Variants in ESRP1 observed in about 807,000 individuals in gnomAD.
ESRP1 encodes the protein epithelial splicing regulatory protein 1.
Under a neutral mutation model 81.7 loss-of-function variants are expected in ESRP1, and 33 were observed. The observed-to-expected ratio is 0.40, with a 90% CI of 0.31 to 0.54. The LOEUF (loss-of-function observed/expected upper bound fraction) is 0.54. Ranked by LOEUF, ESRP1 falls within the 20% of genes least tolerant of loss-of-function variation. The pLI is 0.41. For synonymous variants in ESRP1, 320 were observed against 303.3 expected (o/e 1.06, Z -0.57); for missense variants, 672 against 833.1 (o/e 0.81, Z 2.38).
At chr8:94,645,146 T>G (rs1461024904) in intron 3 of ESRP1, among the ~76,000 whole-genome samples, 1 of 152,184 alleles carries the variant, frequency 6.6e-6, no homozygotes, top group Non-Finnish European at 1.5e-5. Context: ...CTTTTGGTTG[T>G]TAACTTTTTT....
At chr8:94,656,370 C>T (rs1380823026) in intron 4 of ESRP1, among the ~76,000 whole-genome samples, 1 of 152,138 alleles carries the variant, frequency 6.6e-6, no homozygotes, top group Non-Finnish European at 1.5e-5. Context: ...AGGCGCGTGC[C>T]ACCACGCCCG....
intron 10 of ESRP1, 141 bp downstream of exon 10, chr8:94,668,391 C>A: frequency 2.5e-6 from 2 of 795,300 alleles, no homozygotes; most frequent in Non-Finnish European, 3.8e-6. Context: ...AGTCTTGATT[C>A]TATAACCAAG....
chr8:94,671,391 G>C, intron 10 of ESRP1, 62 bp from the exon 11 acceptor site: 2 of 1,424,542 alleles, frequency 1.4e-6, no homozygotes. Context: ...TGCCATTGCT[G>C]ATCTGCAGAA....
chr8:94,677,067 T>C (rs953820019), intron 12 of ESRP1, among the ~76,000 whole-genome samples: 1 of 152,030 alleles, frequency 6.6e-6, no homozygotes, highest in Non-Finnish European at 1.5e-5. Context: ...TCAATTTGTA[T>C]TGTTGGTCTT....
intron 13 of ESRP1, among the ~76,000 whole-genome samples, chr8:94,684,116 G>A (rs1809040941): frequency 6.6e-6 from 1 of 151,114 alleles, no homozygotes; most frequent in South Asian, 2.1e-4. Flanking sequence ...CTAAGTGCTG[G>A]GATTACAGGT....
At chr8:94,642,678 G>T (rs949182654) in intron 2 of ESRP1, among the ~76,000 whole-genome samples, 6 of 152,188 alleles carry the variant, frequency 3.9e-5, no homozygotes, top group African/African-American at 1.4e-4. Flanking sequence ...GTGTCACTGC[G>T]GAACTGATGG....
chr8:94,643,607 A>G (rs755203658), intron 3 of ESRP1, among the ~76,000 whole-genome samples, 191 bp downstream of exon 3: 6 of 152,208 alleles, frequency 3.9e-5, no homozygotes, highest in Non-Finnish European at 7.3e-5. Flanking sequence ...TGGTTGCAAA[A>G]TATGTTAATG....
intron 10 of ESRP1, among the ~76,000 whole-genome samples, chr8:94,669,227 T>G (rs1819182189): frequency 6.6e-6 from 1 of 152,166 alleles, no homozygotes; most frequent in South Asian, 2.1e-4. Flanking sequence ...TCTTCAGGGG[T>G]CAGTTTGCCT....
chr8:94,641,457 C>A lies in ESRP1; in HGVS notation c.132+7C>A. Reference sequence around the variant, plus strand: ...GGATCTGGCCAACAAGAAGGTATTTCTCCACATTTTCGTCTAAATGCAAGG... The same window carrying A: ...GGATCTGGCCAACAAGAAGGTATTTATCCACATTTTCGTCTAAATGCAAGG... On this transcript the variant is annotated splice_region_variant and intron_variant, in intron 1 of 15. Transcript: ENST00000433389. 6.2e-7 allele frequency: 1 copy of A among 1,613,808 alleles called. No homozygotes were observed. The highest frequency in any genetic ancestry group is 8.5e-7 in the Non-Finnish European group (1 of 1,179,858).
intron 15 of ESRP1, among the ~76,000 whole-genome samples, chr8:94,701,991 T>C (rs552061427): frequency 6.6e-6 from 1 of 152,308 alleles, no homozygotes; most frequent in African/African-American, 2.4e-5. Context: ...GGTGGAAGGA[T>C]GGCTTCAGCC....
At chr8:94,695,221 T>C (rs1285482068) in intron 14 of ESRP1, among the ~76,000 whole-genome samples, 3 of 152,070 alleles carry the variant, frequency 2.0e-5, no homozygotes, top group Non-Finnish European at 2.9e-5. Flanking sequence ...ATGTATTGGC[T>C]GTTGCTGGCT....
intron 15 of ESRP1, among the ~76,000 whole-genome samples, chr8:94,699,346 A>G (rs1021741118): frequency 2.0e-5 from 3 of 152,158 alleles, no homozygotes; most frequent in Non-Finnish European, 2.9e-5. Flanking sequence ...CAAATTTTTA[A>G]AAATACAGAT....
chr8:94,680,224 T>C (rs1322683136), intron 13 of ESRP1, among the ~76,000 whole-genome samples: 1 of 152,168 alleles, frequency 6.6e-6, no homozygotes, highest in Non-Finnish European at 1.5e-5. Context: ...GAAGGTCAGG[T>C]GCGTTATATA....
intron 10 of ESRP1, among the ~76,000 whole-genome samples, chr8:94,670,167 CCTT>C (rs2130636000): frequency 6.6e-6 from 1 of 152,280 alleles, no homozygotes; most frequent in East Asian, 1.9e-4. Context: ...ACTTCTCCAT[CCTT>C]CTTGATTTAT....
chr8:94,705,781 G>C, intron 15 of ESRP1, 144 bp from the exon 16 acceptor site: 1 of 703,828 alleles, frequency 1.4e-6, no homozygotes. Context: ...AACTATGTCT[G>C]TGTGAAATAA....
chr8:94,664,736 G>A lies in ESRP1; in HGVS notation c.684G>A (p.Arg228=), dbSNP rs1265575273. 2.5e-6 allele frequency: 4 copies of A among 1,613,744 alleles called. No homozygotes were observed. The East Asian group carries it at 8.9e-5, about 36-fold the overall frequency. Residue 228 remains arginine (R), a synonymous_variant, in exon 7 of 16, where the codon AGG becomes AGA. Transcript: ENST00000433389. ...TTATTGATGATAACACCGTAGTCAG[G>A]GCACGAGGTTTACCATGGCAGTCTT... ...MELIDDNTVV[R]ARGLPWQSSD...
At chr8:94,649,593 A>T (rs1272968862) in intron 4 of ESRP1, 1 of 152,026 alleles carries the variant, frequency 6.6e-6, no homozygotes, top group Non-Finnish European at 1.5e-5. Context: ...GCTCACTGCA[A>T]CCTTCGCCTC....
intron 13 of ESRP1, among the ~76,000 whole-genome samples, chr8:94,680,481 G>T (rs1386021411): frequency 1.3e-5 from 2 of 152,048 alleles, no homozygotes; most frequent in Admixed American, 6.6e-5. Flanking sequence ...GGGCTGGAGT[G>T]CAATGGCGTG....
At chr8:94,656,026 A>G (rs564035660) in intron 4 of ESRP1, 5 of 152,030 alleles carry the variant, frequency 3.3e-5, no homozygotes, top group African/African-American at 1.2e-4. Flanking sequence ...CAGTATCCAC[A>G]GTAGGTTCAT....
Sources: allele counts gnomAD v4.1 joint callset (sites outside exome capture counted in the v4.1 genomes callset), GRCh38; gene constraint gnomAD v4.1.1; transcripts MANE v1.5; gene names NCBI Gene and HGNC (gene_info 2026-07-23, HGNC 2026-07-21).